SRRM4: variants seen among roughly 807,000 people sequenced by gnomAD.
SRRM4 encodes serine/arginine repetitive matrix 4, also known as serine/arginine repetitive matrix protein 4.
SRRM4 carries 33 observed loss-of-function variants against 68.9 expected under a neutral mutation model. That is an observed-to-expected ratio of 0.48 (90% CI 0.36 to 0.64). The LOEUF is 0.64. Ranked by LOEUF, SRRM4 falls within the 30% of genes least tolerant of loss-of-function variation. The pLI is 0.00. For missense variants in SRRM4, 817 were observed against 827.1 expected, an observed-to-expected ratio of 0.99 and a Z score of 0.15; for synonymous variants, 318 against 318.8, an observed-to-expected ratio of 1.00 and a Z score of 0.03.
chr12:119,077,050 G>T (rs1177936710), intron 1 of SRRM4, among the ~76,000 whole-genome samples: 1 of 151,506 alleles, frequency 6.6e-6, no homozygotes, highest in Non-Finnish European at 1.5e-5. Flanking sequence ...TATATCTCTT[G>T]CAGTTCTCCT....
chr12:119,087,938 T>C (rs910273220), intron 1 of SRRM4, among the ~76,000 whole-genome samples: 2 of 152,132 alleles, frequency 1.3e-5, no homozygotes, highest in Non-Finnish European at 1.5e-5. Context: ...ACTCTTACAA[T>C]ACCCACCTCA....
intron 7 of SRRM4, among the ~76,000 whole-genome samples, chr12:119,128,160 A>T (rs932532790): frequency 6.6e-6 from 1 of 152,146 alleles, no homozygotes; most frequent in Admixed American, 6.5e-5. Flanking sequence ...TCACCATCCA[A>T]CAAGGCCACT....
At chr12:119,074,405 C>T (rs955349232) in intron 1 of SRRM4, among the ~76,000 whole-genome samples, 6 of 152,090 alleles carry the variant, frequency 3.9e-5, no homozygotes, top group Admixed American at 2.0e-4. Context: ...ACAAGGGTCA[C>T]GGTGTTTAGT....
intron 1 of SRRM4, among the ~76,000 whole-genome samples, chr12:119,075,572 G>GCGA (rs1408760160): frequency 7.0e-6 from 1 of 143,218 alleles, no homozygotes; most frequent in Non-Finnish European, 1.5e-5. Flanking sequence ...GATGATAATG[G>GCGA]TGATGATGGT....
At chr12:118,992,571 G>A (rs1953323925) in intron 1 of SRRM4, among the ~76,000 whole-genome samples, 1 of 152,224 alleles carries the variant, frequency 6.6e-6, no homozygotes, top group Non-Finnish European at 1.5e-5. Flanking sequence ...CCCACATCCG[G>A]AAGGGGCAGG....
At chr12:119,120,909 G>C (rs1416343794) in intron 5 of SRRM4, among the ~76,000 whole-genome samples, 3 of 152,210 alleles carry the variant, frequency 2.0e-5, no homozygotes, top group Non-Finnish European at 2.9e-5. Context: ...CAGAGGGTAA[G>C]GGGAGTGACG....
At chr12:119,149,823 G>C (rs1300270829) in intron 9 of SRRM4, among the ~76,000 whole-genome samples, 1 of 152,158 alleles carries the variant, frequency 6.6e-6, no homozygotes, top group Non-Finnish European at 1.5e-5. Context: ...CCAGGCCATC[G>C]TGAGCCTTGA....
chr12:119,157,524 C>G lies in SRRM4; in HGVS notation c.*726C>G, dbSNP rs967962153. On this transcript the variant is annotated 3_prime_UTR_variant, in exon 13 of 13. Coordinates refer to ENST00000267260, the MANE Select transcript of SRRM4 (RefSeq NM_194286.4). This position sits in a 1 kb window ranked among gnomAD's most constrained non-coding sequence, Gnocchi z 4.1. ...GGGGACAGAGCCCAGCAGATCCCAG[C>G]TGTGAAGAGGCCACTGCATGGCTGA... The G allele has an allele frequency of 6.6e-6, 1 of 152,352 alleles. No individual in the cohort carries two copies. The highest frequency in any genetic ancestry group is 2.4e-5 in the African/African-American group (1 of 41,464). 9.4% of individuals were successfully genotyped at this position (152,352 alleles called of 1,614,324 possible).
chr12:118,981,555 A>T lies in SRRM4; in HGVS notation c.-328A>T. On this transcript the variant is annotated 5_prime_UTR_variant, in exon 1 of 13. Coordinates refer to ENST00000267260, the MANE Select transcript of SRRM4 (RefSeq NM_194286.4). Reference sequence around the variant, plus strand: ...GGAGCTCACACGCGCACGCACACACATCCGACCCCGTCGCCTCTTCTCTCC... The same window carrying T: ...GGAGCTCACACGCGCACGCACACACTTCCGACCCCGTCGCCTCTTCTCTCC... 3.8e-6 allele frequency: 1 copy of T among 263,168 alleles called. No individual in the cohort carries two copies. The highest frequency in any genetic ancestry group is 7.2e-6 in the Non-Finnish European group (1 of 138,082). The allele number at this position is 263,168 out of a possible 1,614,324, so 16.3% of individuals were successfully genotyped here. A position where few individuals can be genotyped will look rare whatever the true frequency, so the allele number is the denominator to read the frequency against.
At chr12:119,122,149 A>C in intron 6 of SRRM4, 29 bp downstream of exon 6, 145 of 1,521,130 alleles carry the variant, frequency 9.5e-5, no homozygotes, top group Non-Finnish European at 1.2e-4. Context: ...GAATGTACTC[A>C]TCAGTTTGAG....
At chr12:119,068,065 C>T (rs1360335562) in intron 1 of SRRM4, among the ~76,000 whole-genome samples, 1 of 152,224 alleles carries the variant, frequency 6.6e-6, no homozygotes, top group Non-Finnish European at 1.5e-5. Context: ...GGGGACAGAG[C>T]CCAGGACCGT....
chr12:119,027,799 A>G (rs566071126), intron 1 of SRRM4, among the ~76,000 whole-genome samples: 1 of 152,218 alleles, frequency 6.6e-6, no homozygotes, highest in South Asian at 2.1e-4. Flanking sequence ...AAGGATATGA[A>G]CCCTCCCGAG....
chr12:119,092,167 T>C (rs145473709), intron 1 of SRRM4, among the ~76,000 whole-genome samples: 3 of 152,208 alleles, frequency 2.0e-5, no homozygotes, highest in Non-Finnish European at 4.4e-5. Flanking sequence ...ACTGGTAGAA[T>C]GCCACTGGAG....
chr12:119,145,128 T>G (rs1954392559), intron 8 of SRRM4, among the ~76,000 whole-genome samples: 1 of 152,348 alleles, frequency 6.6e-6, no homozygotes, highest in Non-Finnish European at 1.5e-5. Flanking sequence ...TTGTTTAATC[T>G]GAATCGCATG....
chr12:119,004,903 G>C (rs1467527843), intron 1 of SRRM4, among the ~76,000 whole-genome samples: 1 of 151,048 alleles, frequency 6.6e-6, no homozygotes, highest in Non-Finnish European at 1.5e-5. Context: ...TTGTTCCCTT[G>C]GCGGAACCAA....
chr12:118,981,828 C>G lies in SRRM4; in HGVS notation c.-55C>G. ...CTGGGTGTCGCCCCCGTTTGGAATC[C>G]ACGTTTCAGCACTTTGGACAGCGCC... On this transcript the variant is annotated 5_prime_UTR_variant, in exon 1 of 13. Transcript: ENST00000267260. 1 of 1,573,604 alleles carries G rather than the reference C, an allele frequency of 6.4e-7. No individual in the cohort carries two copies. Among genetic ancestry groups the G allele is most frequent in the South Asian group, 1.2e-5 (1 of 85,106 alleles).
chr12:119,097,007 C>T (rs576478422), intron 1 of SRRM4, among the ~76,000 whole-genome samples: 3 of 152,212 alleles, frequency 2.0e-5, no homozygotes, highest in South Asian at 4.2e-4. Flanking sequence ...GGAACAGAGC[C>T]GCCGGGAGGC....
chr12:119,026,551 T>G (rs766034253), intron 1 of SRRM4, among the ~76,000 whole-genome samples: 9 of 151,870 alleles, frequency 5.9e-5, no homozygotes, highest in Non-Finnish European at 1.3e-4. Context: ...TAATTTTTAT[T>G]TATTTATTTA....
At chr12:119,137,310 A>G (rs762373370) in intron 8 of SRRM4, among the ~76,000 whole-genome samples, 7 of 152,160 alleles carry the variant, frequency 4.6e-5, no homozygotes, top group Non-Finnish European at 8.8e-5. Context: ...TTTGTATCCT[A>G]TTAGGCCGTG....
Sources: allele counts gnomAD v4.1 joint callset (sites outside exome capture counted in the v4.1 genomes callset), GRCh38; gene constraint gnomAD v4.1.1; non-coding constraint Gnocchi (gnomAD v3.1); transcripts MANE v1.5; gene names NCBI Gene and HGNC (gene_info 2026-07-23, HGNC 2026-07-21).